Variants in LINGO2 observed in about 807,000 individuals in gnomAD.
LINGO2 encodes the protein leucine rich repeat and Ig domain containing 2, also known as leucine-rich repeat and immunoglobulin-like domain-containing nogo receptor-interacting protein 2.
A neutral mutation model predicts 30.6 loss-of-function variants in LINGO2; 14 were observed. The ratio of observed to expected loss-of-function variants is 0.46; its 90% CI spans 0.30 to 0.72. The LOEUF (loss-of-function observed/expected upper bound fraction) is 0.72, where lower values mean the gene tolerates loss of function less well. Among genes scored for constraint, LINGO2 ranks in the 30% least tolerant of loss-of-function variants. The pLI, the probability that LINGO2 is intolerant of heterozygous loss-of-function variation, is 0.07. For missense variants in LINGO2, 729 were observed against 751.7 expected, an observed-to-expected ratio of 0.97 and a Z score of 0.35; for synonymous variants, 317 against 288.5, an observed-to-expected ratio of 1.10 and a Z score of -1.00.
chr9:28,070,722 T>G (rs1459382173), intron 4 of LINGO2, among the ~76,000 whole-genome samples: 1 of 152,128 alleles, frequency 6.6e-6, no homozygotes, highest in African/African-American at 2.4e-5. Context: ...TTGTTCTGTT[T>G]GTTTTTTGAG....
At chr9:28,089,164 A>G (rs2133254182) in intron 4 of LINGO2, among the ~76,000 whole-genome samples, 1 of 152,288 alleles carries the variant, frequency 6.6e-6, no homozygotes, top group East Asian at 1.9e-4. Context: ...AACGAGACAG[A>G]AAGTTAACAA....
the LINGO2 span, among the ~76,000 whole-genome samples, chr9:28,802,964 G>A: frequency 1.3e-5 from 2 of 151,926 alleles, no homozygotes; most frequent in African/African-American, 4.8e-5. Flanking sequence ...CCAAATTCAG[G>A]TATCATTACC....
the LINGO2 span, chr9:27,939,980 T>C: frequency 6.6e-6 from 1 of 152,108 alleles, no homozygotes; most frequent in African/African-American, 2.4e-5. Flanking sequence ...ATCAAAGAGG[T>C]ATCCTCTCTA....
chr9:28,008,617 A>G (rs1317225961), intron 5 of LINGO2, among the ~76,000 whole-genome samples: 1 of 152,168 alleles, frequency 6.6e-6, no homozygotes, highest in Non-Finnish European at 1.5e-5. Context: ...CAAGATCAAT[A>G]TAAATACATA....
chr9:29,072,259 C>A, the LINGO2 span, among the ~76,000 whole-genome samples: 1 of 152,012 alleles, frequency 6.6e-6, no homozygotes, highest in African/African-American at 2.4e-5. Context: ...AATTTGTCTT[C>A]TGATTTCTTG....
the LINGO2 span, among the ~76,000 whole-genome samples, chr9:29,124,982 T>C: frequency 6.6e-6 from 1 of 152,116 alleles, no homozygotes; most frequent in Non-Finnish European, 1.5e-5. Flanking sequence ...TGCAGCAGTA[T>C]GTACAATAGC....
chr9:27,953,815 A>AT (rs34968710), intron 5 of LINGO2, among the ~76,000 whole-genome samples: 83,903 of 151,898 alleles, frequency 0.55, 24,690 homozygotes, highest in East Asian at 0.81. Flanking sequence ...ATACAACTGT[A>AT]GCTTAACATG....
the LINGO2 span, among the ~76,000 whole-genome samples, chr9:28,996,347 A>G: frequency 6.6e-6 from 1 of 152,188 alleles, no homozygotes; most frequent in Admixed American, 6.5e-5. Context: ...ACAGTAGAGA[A>G]TGTTGAACTA....
At chr9:28,082,947 C>T (rs918127376) in intron 4 of LINGO2, among the ~76,000 whole-genome samples, 3 of 152,212 alleles carry the variant, frequency 2.0e-5, no homozygotes, top group Admixed American at 6.6e-5. Context: ...CCACACTGAT[C>T]ATTATTGTCC....
chr9:28,086,730 C>G (rs1011295190), intron 4 of LINGO2, among the ~76,000 whole-genome samples: 1 of 152,014 alleles, frequency 6.6e-6, no homozygotes, highest in African/African-American at 2.4e-5. Flanking sequence ...GAGTGAAAAA[C>G]TTGAGTTCCA....
chr9:28,894,015 C>T, the LINGO2 span, among the ~76,000 whole-genome samples: 3 of 150,246 alleles, frequency 2.0e-5, no homozygotes, highest in African/African-American at 4.9e-5. Flanking sequence ...GGTTTTTTGT[C>T]CTTGCGATAG....
chr9:28,702,761 G>A, the LINGO2 span, among the ~76,000 whole-genome samples: 1 of 151,748 alleles, frequency 6.6e-6, no homozygotes, highest in Non-Finnish European at 1.5e-5. Flanking sequence ...AACCTGCCTT[G>A]CCTATTGCTT....
chr9:28,259,507 A>G (rs1822494250), intron 4 of LINGO2, among the ~76,000 whole-genome samples: 1 of 151,792 alleles, frequency 6.6e-6, no homozygotes, highest in Admixed American at 6.6e-5. Context: ...TGAGCCATAC[A>G]AGGTCTATGA....
chr9:28,277,357 A>G (rs1823152037), intron 4 of LINGO2, among the ~76,000 whole-genome samples: 1 of 152,150 alleles, frequency 6.6e-6, no homozygotes, highest in Non-Finnish European at 1.5e-5. Flanking sequence ...TGACTGCTCC[A>G]TTGACTAGCA....
chr9:28,924,157 A>G, the LINGO2 span, among the ~76,000 whole-genome samples: 27 of 152,220 alleles, frequency 1.8e-4, no homozygotes, highest in African/African-American at 5.5e-4. Flanking sequence ...GGTTTCTTTC[A>G]GTTTCCCAAA....
intron 2 of LINGO2, among the ~76,000 whole-genome samples, chr9:28,421,291 A>G (rs918846570): frequency 1.3e-5 from 2 of 152,006 alleles, no homozygotes; most frequent in African/African-American, 4.8e-5. Flanking sequence ...AAAGGACATC[A>G]ATAAATGAAA....
At chr9:28,408,287 C>T (rs1325032238) in intron 2 of LINGO2, among the ~76,000 whole-genome samples, 1 of 152,114 alleles carries the variant, frequency 6.6e-6, no homozygotes, top group Non-Finnish European at 1.5e-5. Context: ...ACTGAGATCA[C>T]TTTACAGAGC....
the LINGO2 span, among the ~76,000 whole-genome samples, chr9:28,720,039 AT>A: frequency 3.3e-5 from 5 of 152,114 alleles, no homozygotes; most frequent in East Asian, 9.7e-4. Context: ...GGTTTTTCCC[AT>A]TCCAAATCAT....
intron 4 of LINGO2, among the ~76,000 whole-genome samples, chr9:28,152,486 T>C (rs1439551999): frequency 6.6e-6 from 1 of 152,094 alleles, no homozygotes; most frequent in African/African-American, 2.4e-5. Context: ...CTTTATAAAT[T>C]ACCCAGTCTC....
Sources: allele counts gnomAD v4.1 joint callset (sites outside exome capture counted in the v4.1 genomes callset), GRCh38; gene constraint gnomAD v4.1.1; transcripts MANE v1.5; gene names NCBI Gene and HGNC (gene_info 2026-07-23, HGNC 2026-07-21).